Variants in PDGFC observed in about 807,000 individuals in gnomAD.
The protein encoded by PDGFC is platelet-derived growth factor C.
In PDGFC, 12 loss-of-function variants were observed where a neutral mutation model predicts 35.5. That is an observed-to-expected ratio of 0.34 (90% CI 0.22 to 0.55). The LOEUF is 0.55. Ranked by LOEUF, PDGFC falls within the 20% of genes least tolerant of loss-of-function variation. The pLI is 0.91. For synonymous variants in PDGFC, 159 were observed against 148.8 expected (o/e 1.07, Z -0.50); for missense variants, 322 against 412.4 (o/e 0.78, Z 1.90).
chr4:156,828,656 T>C (rs931297525), intron 2 of PDGFC, among the ~76,000 whole-genome samples: 1 of 152,158 alleles, frequency 6.6e-6, no homozygotes, highest in Non-Finnish European at 1.5e-5. Context: ...GTATATATAA[T>C]TGTATTCTGG....
chr4:156,940,011 T>C (rs1175647314), intron 1 of PDGFC, among the ~76,000 whole-genome samples: 2 of 152,120 alleles, frequency 1.3e-5, no homozygotes, highest in African/African-American at 4.8e-5. Context: ...ATTTTCTCAT[T>C]TCCTCAGAAT....
At chr4:156,869,322 G>C (rs1211748979) in intron 1 of PDGFC, among the ~76,000 whole-genome samples, 1 of 151,894 alleles carries the variant, frequency 6.6e-6, no homozygotes, top group East Asian at 1.9e-4. Context: ...TGTAGTCCCA[G>C]CTACTCCGGA....
At chr4:156,965,395 T>C (rs1313086662) in intron 1 of PDGFC, among the ~76,000 whole-genome samples, 6 of 151,520 alleles carry the variant, frequency 4.0e-5, no homozygotes, top group Admixed American at 2.6e-4. Context: ...ATGGTGGGGG[T>C]GAGGGATGTT....
intron 1 of PDGFC, among the ~76,000 whole-genome samples, chr4:156,902,966 C>T (rs577545936): frequency 6.6e-6 from 1 of 151,876 alleles, no homozygotes; most frequent in Non-Finnish European, 1.5e-5. Flanking sequence ...TTCTGAAAAT[C>T]GATTGATAGA....
At chr4:156,773,061 C>T (rs1730731271) in intron 3 of PDGFC, among the ~76,000 whole-genome samples, 168 bp from the exon 4 acceptor site, 1 of 152,180 alleles carries the variant, frequency 6.6e-6, no homozygotes, top group African/African-American at 2.4e-5. Flanking sequence ...AAGATGAACT[C>T]TGATAGATTT....
At chr4:156,868,427 A>G (rs1363211596) in intron 1 of PDGFC, among the ~76,000 whole-genome samples, 1 of 152,186 alleles carries the variant, frequency 6.6e-6, no homozygotes, top group Non-Finnish European at 1.5e-5. Context: ...ATTAAGGATT[A>G]TCTGTCACCA....
chr4:156,772,984 G>C (rs983484585), intron 3 of PDGFC, 91 bp from the exon 4 acceptor site: 2 of 805,238 alleles, frequency 2.5e-6, no homozygotes, highest in Non-Finnish European at 4.1e-6. Context: ...GACTGAGGCT[G>C]GAAATATGTG....
intron 3 of PDGFC, among the ~76,000 whole-genome samples, chr4:156,777,563 GGA>G (rs1422005912): frequency 1.1e-4 from 17 of 152,242 alleles, no homozygotes; most frequent in African/African-American, 3.9e-4. Context: ...TACAAGTATA[GGA>G]GAGAGGTGTC....
chr4:156,782,521 C>A (rs1731010005), intron 3 of PDGFC, among the ~76,000 whole-genome samples: 1 of 152,108 alleles, frequency 6.6e-6, no homozygotes. Flanking sequence ...ATTTTTTTTA[C>A]ATTTTTAAAT....
At chr4:156,884,683 C>T (rs1005912808) in intron 1 of PDGFC, among the ~76,000 whole-genome samples, 2 of 152,126 alleles carry the variant, frequency 1.3e-5, no homozygotes, top group Non-Finnish European at 2.9e-5. Context: ...TACTGATTTG[C>T]TAATTGTTTT....
rs1381496968 is a variant in PDGFC, at chr4:156,836,834, A to G, written c.314+13387T>C. On this transcript the variant is annotated intron_variant, in intron 2 of 5. Transcript: ENST00000502773. ...AAAAGATTTTTTTTTAGTCATTGTG[A>G]CAAAATCCTTAGAGGGGAAATAAAA... 2.6e-5 allele frequency among the ~76,000 whole-genome samples: 4 copies of G among 152,192 alleles called. No individual in the cohort carries two copies. The East Asian group carries it at 7.7e-4, about 29-fold the overall frequency.
chr4:156,871,738 A>C (rs948037617), intron 1 of PDGFC, among the ~76,000 whole-genome samples: 1 of 152,106 alleles, frequency 6.6e-6, no homozygotes, highest in African/African-American at 2.4e-5. Flanking sequence ...TATTTTAAAA[A>C]CATTATTCCA....
At chr4:156,798,245 G>A (rs1731503808) in intron 3 of PDGFC, among the ~76,000 whole-genome samples, 1 of 152,110 alleles carries the variant, frequency 6.6e-6, no homozygotes, top group African/African-American at 2.4e-5. Flanking sequence ...AAACCTTAAA[G>A]AGGCAGCTTT....
At chr4:156,779,007 C>A (rs1730909271) in intron 3 of PDGFC, 1 of 352,076 alleles carries the variant, frequency 2.8e-6, no homozygotes. Context: ...AAATGTCCAG[C>A]CTTGGGTAAC....
intron 4 of PDGFC, among the ~76,000 whole-genome samples, chr4:156,772,155 T>C (rs191557196): frequency 1.3e-5 from 2 of 152,312 alleles, no homozygotes; most frequent in Admixed American, 1.3e-4. Context: ...AATCCTGCCT[T>C]GAAAACTATG....
intron 1 of PDGFC, among the ~76,000 whole-genome samples, chr4:156,874,460 C>T (rs897534082): frequency 1.3e-5 from 2 of 152,020 alleles, no homozygotes; most frequent in African/African-American, 2.4e-5. Flanking sequence ...TCCCTAAAAA[C>T]GATGAAAACT....
chr4:156,839,440 T>C (rs1729145755), intron 2 of PDGFC, among the ~76,000 whole-genome samples: 1 of 152,208 alleles, frequency 6.6e-6, no homozygotes, highest in African/African-American at 2.4e-5. Flanking sequence ...GATTGTAAGT[T>C]TCCTGAGTCC....
intron 1 of PDGFC, among the ~76,000 whole-genome samples, chr4:156,941,489 A>G (rs1333869054): frequency 1.3e-5 from 2 of 152,188 alleles, no homozygotes; most frequent in Non-Finnish European, 2.9e-5. Context: ...TACTGTGCTG[A>G]GAGAAACAAG....
chr4:156,838,567 C>A (rs886762245), intron 2 of PDGFC, among the ~76,000 whole-genome samples: 1 of 152,056 alleles, frequency 6.6e-6, no homozygotes, highest in African/African-American at 2.4e-5. Flanking sequence ...GAATGCAAAT[C>A]TATACAGGCA....
Sources: allele counts gnomAD v4.1 joint callset (sites outside exome capture counted in the v4.1 genomes callset), GRCh38; gene constraint gnomAD v4.1.1; transcripts MANE v1.5; gene names NCBI Gene and HGNC (gene_info 2026-07-23, HGNC 2026-07-21).